DSCC1: variants seen among roughly 807,000 people sequenced by gnomAD.
DSCC1 encodes the protein sister chromatid cohesion protein DCC1.
DSCC1 carries 32 observed loss-of-function variants against 48.2 expected under a neutral mutation model. The ratio of observed to expected loss-of-function variants is 0.66; its 90% confidence interval spans 0.50 to 0.89. The LOEUF is 0.89. Ranked by LOEUF, DSCC1 falls within the 40% of genes least tolerant of loss-of-function variation. DSCC1 has a pLI of 0.00. For missense variants in DSCC1, 421 were observed against 471.7 expected (o/e 0.89, Z 1.00); for synonymous variants, 150 against 171.5 (o/e 0.87, Z 0.98).
chr8:119,842,689 G>A (rs1826790413), intron 6 of DSCC1, 87 bp downstream of exon 6: 2 of 1,260,102 alleles, frequency 1.6e-6, no homozygotes, highest in African/African-American at 1.5e-5. Flanking sequence ...CCCAGCCAGA[G>A]TTCTTATTTT....
intron 3 of DSCC1, among the ~76,000 whole-genome samples, chr8:119,847,283 T>G (rs1826871060): frequency 6.6e-6 from 1 of 152,204 alleles, no homozygotes; most frequent in Non-Finnish European, 1.5e-5. Flanking sequence ...TTCATGACAC[T>G]GGGTTTGGGT....
chr8:119,847,023 G>A lies in DSCC1; in HGVS notation c.544C>T (p.Gln182Ter). 1 of 1,613,704 alleles carries A rather than the reference G, an allele frequency of 6.2e-7. No homozygotes were observed. The highest frequency in any genetic ancestry group is 8.5e-7 in the Non-Finnish European group (1 of 1,179,996). Residue 182 changes from glutamine to a stop codon, truncating the protein, a stop_gained, in exon 4 of 9, where the codon CAA (glutamine) becomes TAA (stop). Coordinates refer to ENST00000313655, the MANE Select transcript of DSCC1 (RefSeq NM_024094.3). LOFTEE classifies it high-confidence loss of function. ...IQASEEEIMT[Q>*]LQVLNACKIG... is the part of the protein sequence containing the mutation. Reference sequence around the variant, plus strand: ...TTACAGGCATTTAGAACTTGTAATTGGGTCATTATTTCTTCCTCACTTGCC... The same window carrying A: ...TTACAGGCATTTAGAACTTGTAATTAGGTCATTATTTCTTCCTCACTTGCC...
intron 7 of DSCC1, chr8:119,840,358 G>A (rs1346940491): frequency 6.6e-6 from 1 of 152,202 alleles, no homozygotes; most frequent in East Asian, 1.9e-4. Context: ...AATGAAGGAA[G>A]GCCTCCTTGA....
At chr8:119,841,553 G>A (rs1024131572) in intron 7 of DSCC1, among the ~76,000 whole-genome samples, 12 of 152,132 alleles carry the variant, frequency 7.9e-5, no homozygotes, top group African/African-American at 2.9e-4. Context: ...AAACTGTATT[G>A]TAGTGAGAGC....
At chr8:119,844,673 A>G (rs1282686859) in intron 4 of DSCC1, among the ~76,000 whole-genome samples, 5 of 151,350 alleles carry the variant, frequency 3.3e-5, no homozygotes, top group African/African-American at 1.2e-4. Context: ...CTCAGCCTCC[A>G]GAGTAGCTGG....
intron 4 of DSCC1, 56 bp downstream of exon 4, chr8:119,846,934 C>G: frequency 6.6e-7 from 1 of 1,511,738 alleles, no homozygotes. Context: ...CCAAAAACTT[C>G]TCTCCCTTAT....
Position 119,855,736 on chromosome 8 carries a change from G to C in DSCC1, c.60C>G (p.Ala20=). 3 of 1,576,712 alleles carry C rather than the reference G, an allele frequency of 1.9e-6. No individual in the cohort carries two copies. The highest frequency in any genetic ancestry group is 2.6e-6 in the Non-Finnish European group (3 of 1,161,624). Residue 20 remains alanine (A), a synonymous_variant, in exon 1 of 9, where the codon GCC becomes GCG. Coordinates refer to ENST00000313655, the MANE Select transcript of DSCC1 (RefSeq NM_024094.3). ...ATLQIAKLNA[A]ELLPAVHCLG... is the part of the protein sequence containing the mutation. Reference sequence around the variant, plus strand: ...GGCAGTGCACCGCCGGCAGCAGCTCGGCCGCATTCAGCTTGGCGATCTGCA... The same window carrying C: ...GGCAGTGCACCGCCGGCAGCAGCTCCGCCGCATTCAGCTTGGCGATCTGCA...
chr8:119,850,252 T>G (rs1826925468), intron 3 of DSCC1, 130 bp downstream of exon 3: 5 of 942,890 alleles, frequency 5.3e-6, no homozygotes, highest in South Asian at 2.5e-5. Flanking sequence ...GCTTGAAATT[T>G]TATAACTTTT....
chr8:119,850,627 G>A lies in DSCC1; in HGVS notation c.352-111C>T. ...CAACAAGTACAAAGGAAGCTCCAAG[G>A]TATTCTGCTTTGTATCAGGAAGGTA... On this transcript the variant is annotated intron_variant, in intron 2 of 8. Coordinates refer to ENST00000313655, the MANE Select transcript of DSCC1 (RefSeq NM_024094.3). 2 of 974,596 alleles carry A rather than the reference G, an allele frequency of 2.1e-6. 1 individual carries two copies. Among genetic ancestry groups the A allele is most frequent in the South Asian group, 4.6e-5 (2 of 43,162 alleles). The allele number at this position is 974,596 out of a possible 1,614,324, so 60.4% of individuals were successfully genotyped here.
At chr8:119,849,404 C>G (rs1390192034) in intron 3 of DSCC1, among the ~76,000 whole-genome samples, 1 of 152,108 alleles carries the variant, frequency 6.6e-6, no homozygotes, top group Admixed American at 6.6e-5. Context: ...AAAACTCCGT[C>G]TGCAAACAAA....
chr8:119,853,287 CA>C, intron 1 of DSCC1, 72 bp from the exon 2 acceptor site: 2 of 1,476,038 alleles, frequency 1.4e-6, no homozygotes, highest in Non-Finnish European at 1.8e-6. Flanking sequence ...AAACAGTTCT[CA>C]AACCCTCTAG....
chr8:119,845,138 C>T (rs1327578082), intron 4 of DSCC1, among the ~76,000 whole-genome samples: 1 of 151,500 alleles, frequency 6.6e-6, no homozygotes, highest in African/African-American at 2.4e-5. Flanking sequence ...AGGCTGGAGG[C>T]GTAGTGGCAC....
chr8:119,843,845 C>A, intron 4 of DSCC1, 98 bp from the exon 5 acceptor site: 2 of 1,225,958 alleles, frequency 1.6e-6, no homozygotes, highest in South Asian at 1.5e-5. Flanking sequence ...GGCGTGATCT[C>A]AGCTCATCGC....
In DSCC1 at chr8:119,834,983, C is replaced by G. The variant is rs374528406; in HGVS notation, c.1092G>C (p.Lys364Asn). Residue 364 changes from lysine (K) to asparagine (N), a missense_variant, in exon 9 of 9, where the codon AAG (lysine) becomes AAC (asparagine). Lys to Asn is a moderately conservative substitution (Grantham distance 94). Coordinates refer to ENST00000313655, the MANE Select transcript of DSCC1 (RefSeq NM_024094.3). ...TAGTGAGTAATGCACCTATGGTTTG[C>G]TTCTCTCCACACAAATCTCTGTAGG... The part of the protein sequence containing the change: ...APYIQDLCGE[K>N]QTIGALLTKY... 1 of 1,601,034 alleles carries G rather than the reference C, an allele frequency of 6.2e-7. No individual in the cohort carries two copies. Among genetic ancestry groups the G allele is most frequent in the Non-Finnish European group, 8.5e-7 (1 of 1,172,922 alleles).
intron 4 of DSCC1, among the ~76,000 whole-genome samples, chr8:119,846,102 A>G (rs1826852049): frequency 6.9e-6 from 1 of 144,310 alleles, no homozygotes; most frequent in African/African-American, 2.6e-5. Flanking sequence ...AGACTATTTG[A>G]TGTCTAAGGA....
At chr8:119,847,978 GT>G in intron 3 of DSCC1, among the ~76,000 whole-genome samples, 1 of 148,060 alleles carries the variant, frequency 6.8e-6, no homozygotes, top group East Asian at 2.0e-4. Context: ...TTTTGTTTTT[GT>G]TTTTGTTTTT....
intron 7 of DSCC1, among the ~76,000 whole-genome samples, chr8:119,840,659 C>A (rs1288684130): frequency 6.6e-6 from 1 of 152,150 alleles, no homozygotes; most frequent in Non-Finnish European, 1.5e-5. Context: ...CATCTATAAT[C>A]TCAGCACTTT....
In DSCC1 at chr8:119,855,697, A is replaced by G; in HGVS notation, c.99T>C (p.Pro33=). Reference sequence around the variant, plus strand: ...CGCCGGCTGCAGCGCCGCTGGCCCCAGGGCCGAAGCCCAGGCAGTGCACCG... The same window carrying G: ...CGCCGGCTGCAGCGCCGCTGGCCCCGGGGCCGAAGCCCAGGCAGTGCACCG... ...LPAVHCLGFG[P]GASGAAAGDF... The change falls in exon 1 of 9, where the codon CCT becomes CCC. Residue 33 remains proline, a synonymous_variant. Transcript: ENST00000313655. The G allele has an allele frequency of 6.4e-7, 1 of 1,559,516 alleles. No individual in the cohort carries two copies. The highest frequency in any genetic ancestry group is 1.2e-5 in the South Asian group (1 of 84,946).
chr8:119,854,750 G>C (rs530456299), intron 1 of DSCC1, among the ~76,000 whole-genome samples: 11 of 152,246 alleles, frequency 7.2e-5, no homozygotes, highest in Admixed American at 3.9e-4. Flanking sequence ...CAACTGAACC[G>C]GGATGGAAAC....
Sources: gnomAD v4.1 joint callset for allele counts (sites outside exome capture counted in the v4.1 genomes callset) on GRCh38, gnomAD v4.1.1 for gene constraint, MANE v1.5 for transcripts, NCBI Gene and HGNC (gene_info 2026-07-23, HGNC 2026-07-21) for gene names.